The following SORCS2 variants were observed in gnomAD, a reference collection of about 807,000 sequenced individuals.
The protein encoded by SORCS2 is sortilin related VPS10 domain containing receptor 2.
SORCS2 carries 100 observed loss-of-function variants against 141.6 expected under a neutral mutation model. That is an observed-to-expected ratio of 0.71 (90% confidence interval 0.60 to 0.83). The LOEUF (loss-of-function observed/expected upper bound fraction) is 0.83. Ranked by LOEUF, SORCS2 falls within the 40% of genes least tolerant of loss-of-function variation. SORCS2 has a pLI of 0.00. For missense variants in SORCS2, 1,646 were observed against 1,560.2 expected, an observed-to-expected ratio of 1.05 and a Z score of -0.93; for synonymous variants, 789 against 676.9, an observed-to-expected ratio of 1.17 and a Z score of -2.57.
intron 18 of SORCS2, among the ~76,000 whole-genome samples, chr4:7,720,900 T>C (rs543504341): frequency 1.6e-4 from 24 of 152,296 alleles, no homozygotes; most frequent in African/African-American, 5.5e-4. Context: ...GACTGGAGAA[T>C]GCCACAGGTG....
At chr4:7,318,798 A>G (rs1013244759) in intron 1 of SORCS2, among the ~76,000 whole-genome samples, 9 of 152,170 alleles carry the variant, frequency 5.9e-5, no homozygotes, top group Admixed American at 1.3e-4. Context: ...GAATTTTGAC[A>G]AACTTATATA....
At chr4:7,618,959 A>G (rs528385992) in intron 3 of SORCS2, among the ~76,000 whole-genome samples, 6 of 152,264 alleles carry the variant, frequency 3.9e-5, no homozygotes, top group Non-Finnish European at 8.8e-5. Flanking sequence ...GCTGGCACCC[A>G]TAGGTCCTCG....
rs113470803 is a variant in SORCS2, at chr4:7,447,170, G to A, written c.548+50815G>A. ...TATGGGCAGAGTTGGTTCCTTCCGA[G>A]GCTGTGAAAGCAGTTGCATCCTCCT... On this transcript the variant is annotated intron_variant, in intron 2 of 26. Transcript: ENST00000507866. Among the ~76,000 whole-genome samples the A allele has an allele frequency of 5.6e-3, 860 of 152,336 alleles. 4 individuals carry two copies. The highest frequency in any genetic ancestry group is 8.2e-3 in the Non-Finnish European group (557 of 68,030).
intron 2 of SORCS2, among the ~76,000 whole-genome samples, chr4:7,491,140 G>C (rs766250715): frequency 2.0e-5 from 3 of 152,124 alleles, no homozygotes; most frequent in Non-Finnish European, 4.4e-5. Flanking sequence ...CCAGTTCTAA[G>C]TTCCCTGTAC....
intron 3 of SORCS2, among the ~76,000 whole-genome samples, chr4:7,543,514 T>TCTAC (rs1712880142): frequency 7.6e-6 from 1 of 132,324 alleles, no homozygotes; most frequent in African/African-American, 2.8e-5. Context: ...CATCCATCCA[T>TCTAC]CCATCCGTCC....
At chr4:7,195,314 G>A (rs1193790128) in intron 1 of SORCS2, among the ~76,000 whole-genome samples, 5 of 152,172 alleles carry the variant, frequency 3.3e-5, no homozygotes, top group African/African-American at 9.7e-5. Context: ...AGCATGAGGC[G>A]AGGGGCAGGG....
intron 2 of SORCS2, chr4:7,433,918 A>T: frequency 6.2e-7 from 1 of 1,613,846 alleles, no homozygotes; most frequent in East Asian, 2.2e-5. Context: ...CACGCGCTCC[A>T]GGGCATGGGT....
At chr4:7,415,754 C>T (rs1352367114) in intron 2 of SORCS2, among the ~76,000 whole-genome samples, 2 of 152,232 alleles carry the variant, frequency 1.3e-5, no homozygotes, top group South Asian at 2.1e-4. Flanking sequence ...TGTGAAGAAT[C>T]GTTTCTCGAT....
intron 3 of SORCS2, among the ~76,000 whole-genome samples, chr4:7,583,921 C>T (rs555560429): frequency 6.6e-6 from 1 of 152,312 alleles, no homozygotes; most frequent in East Asian, 1.9e-4. Flanking sequence ...AGACCAGAGT[C>T]CTGCCTCTAA....
intron 1 of SORCS2, among the ~76,000 whole-genome samples, chr4:7,215,563 G>T (rs1392918564): frequency 6.6e-6 from 1 of 152,266 alleles, no homozygotes; most frequent in Non-Finnish European, 1.5e-5. Context: ...CCCCGGTGCG[G>T]GATCCACTGG....
chr4:7,361,361 C>G (rs1466740849), intron 1 of SORCS2, among the ~76,000 whole-genome samples: 1 of 152,182 alleles, frequency 6.6e-6, no homozygotes, highest in African/African-American at 2.4e-5. Flanking sequence ...GGCAAGGCAG[C>G]GAGATCTGAT....
At chr4:7,358,395 A>G (rs1383761540) in intron 1 of SORCS2, among the ~76,000 whole-genome samples, 2 of 152,174 alleles carry the variant, frequency 1.3e-5, no homozygotes, top group Non-Finnish European at 2.9e-5. Context: ...TTAGTTCCCA[A>G]AGTCACACTC....
At chr4:7,410,195 G>A (rs943690413) in intron 2 of SORCS2, among the ~76,000 whole-genome samples, 1 of 152,212 alleles carries the variant, frequency 6.6e-6, no homozygotes, top group Admixed American at 6.5e-5. Context: ...TAATGTTGGA[G>A]CAAACAAAGA....
At chr4:7,525,931 C>A (rs1351236746) in intron 2 of SORCS2, among the ~76,000 whole-genome samples, 1 of 106,126 alleles carries the variant, frequency 9.4e-6, no homozygotes, top group Admixed American at 1.0e-4. Flanking sequence ...CCTCCTCACA[C>A]CTGTCCCCTC....
Position 7,505,462 on chromosome 4 carries a change from C to T in SORCS2, c.549-26068C>T, listed in dbSNP as rs547077162. On this transcript the variant is annotated intron_variant, in intron 2 of 26. Coordinates refer to ENST00000507866, the MANE Select transcript of SORCS2 (RefSeq NM_020777.3). ...GACCACCCCTGAGATGGGAGGATGG[C>T]TCCAGCTCACAGGCATGGAAGTTGA... Among the ~76,000 whole-genome samples, 14 of 152,256 alleles carry T rather than the reference C, an allele frequency of 9.2e-5. No individual in the cohort carries two copies. In the South Asian group the frequency reaches 2.7e-3, roughly 29 times the overall value.
intron 8 of SORCS2, among the ~76,000 whole-genome samples, chr4:7,675,219 G>A (rs978532007): frequency 2.6e-5 from 4 of 152,194 alleles, no homozygotes; most frequent in East Asian, 1.9e-4. Flanking sequence ...GGCTGAACCC[G>A]AAGCGCTGAG....
rs577217383 is a variant in SORCS2, at chr4:7,330,347, G to A, written c.481-65941G>A. 6.6e-5 allele frequency among the ~76,000 whole-genome samples: 10 copies of A among 152,142 alleles called. No homozygotes were observed. The East Asian group carries it at 1.4e-3, about 21-fold the overall frequency. On this transcript the variant is annotated intron_variant, in intron 1 of 26. Transcript: ENST00000507866. ...CACCTTTTAGGGGCTGTGATTCAGC[G>A]TATCACAAAGAGCTTCTCGGCAAAT... is the stretch of plus-strand genomic sequence containing the variant.
chr4:7,579,027 C>A (rs1465650301), intron 3 of SORCS2, among the ~76,000 whole-genome samples: 1 of 152,100 alleles, frequency 6.6e-6, no homozygotes, highest in Non-Finnish European at 1.5e-5. Flanking sequence ...TGTGAATGGG[C>A]AGATGGCTAT....
chr4:7,577,019 C>A (rs1016154765), intron 3 of SORCS2, among the ~76,000 whole-genome samples: 1 of 152,222 alleles, frequency 6.6e-6, no homozygotes, highest in African/African-American at 2.4e-5. Flanking sequence ...ATGTGGTCTT[C>A]TGGCCACCCC....
Sources: gnomAD v4.1 joint callset for allele counts (sites outside exome capture counted in the v4.1 genomes callset) on GRCh38, gnomAD v4.1.1 for gene constraint, MANE v1.5 for transcripts, NCBI Gene and HGNC (gene_info 2026-07-23, HGNC 2026-07-21) for gene names.